TBC1D30: variants seen among roughly 807,000 people sequenced by gnomAD.
TBC1D30 encodes TBC1 domain family member 30.
A neutral mutation model predicts 63.2 loss-of-function variants in TBC1D30; 31 were observed. That is an observed-to-expected ratio of 0.49 (90% CI 0.37 to 0.66). The LOEUF is 0.66. TBC1D30 is among the 30% of genes least tolerant of loss of function. The probability of loss-of-function intolerance (pLI) is 0.00; values close to 1 mark genes in which losing one functional copy is unlikely to be tolerated. For synonymous variants in TBC1D30, 307 were observed against 361.5 expected, an observed-to-expected ratio of 0.85 and a Z score of 1.71; for missense variants, 810 against 953.6, an observed-to-expected ratio of 0.85 and a Z score of 1.98.
rs78578907 is a variant in TBC1D30, at chr12:64,774,179, G to C, written c.-375-11702G>C. Reference sequence around the variant, plus strand: ...AGTATTAATAGCATAATCAAGCAGAGAAAAGAATCTCAGAGCTTGAAGAAT... The same window carrying C: ...AGTATTAATAGCATAATCAAGCAGACAAAAGAATCTCAGAGCTTGAAGAAT... On this transcript the variant is annotated intron_variant, in intron 1 of 13. Transcript: ENST00000674237. Among the ~76,000 whole-genome samples, 559 of 152,242 alleles carry C rather than the reference G, an allele frequency of 3.7e-3. 3 individuals carry two copies. The highest frequency in any genetic ancestry group is 0.013 in the African/African-American group (543 of 41,534).
chr12:64,805,017 A>G (rs1186816548), intron 2 of TBC1D30, among the ~76,000 whole-genome samples: 2 of 152,090 alleles, frequency 1.3e-5, no homozygotes, highest in East Asian at 1.9e-4. Flanking sequence ...CCTGGCCAAC[A>G]TGGTAAATCC....
upstream of TBC1D30, among the ~76,000 whole-genome samples, chr12:64,824,047 G>A (rs1874064277): frequency 7.2e-6 from 1 of 138,854 alleles, no homozygotes; most frequent in Non-Finnish European, 1.5e-5. Context: ...ATAGTCTATT[G>A]GTGAATATTG....
chr12:64,765,811 C>T (rs1315718589), intron 1 of TBC1D30, among the ~76,000 whole-genome samples: 1 of 132,690 alleles, frequency 7.5e-6, no homozygotes, highest in Non-Finnish European at 1.5e-5. Flanking sequence ...GCCTGGGCGA[C>T]TTGACAAAAC....
rs149773982 is a variant in TBC1D30, at chr12:64,785,507, A to G, written c.479-374A>G. 8.4e-3 allele frequency among the ~76,000 whole-genome samples: 1,276 copies of G among 152,224 alleles called. 42 individuals carry two copies. The highest frequency in any genetic ancestry group is 0.061 in the Admixed American group (933 of 15,288). On this transcript the variant is annotated intron_variant, in intron 1 of 12. Transcript: ENST00000542120. ...AGGTTTATTATTAATGTAACAGACTAAAAAAGATTCTTTTCTAGCAAGCTT... is the reference window on the plus strand; with the variant it reads ...AGGTTTATTATTAATGTAACAGACTGAAAAAGATTCTTTTCTAGCAAGCTT...
intron 8 of TBC1D30, among the ~76,000 whole-genome samples, chr12:64,852,179 T>A (rs1876934109): frequency 1.3e-5 from 2 of 152,298 alleles, no homozygotes; most frequent in South Asian, 4.1e-4. Flanking sequence ...TTGGTCTTTT[T>A]ACATAGTCCC....
At chr12:64,796,812 A>G (rs1872302145) in intron 2 of TBC1D30, among the ~76,000 whole-genome samples, 1 of 152,180 alleles carries the variant, frequency 6.6e-6, no homozygotes, top group Non-Finnish European at 1.5e-5. Flanking sequence ...ATATATCAAG[A>G]TTAAGACCTC....
chr12:64,861,193 A>C (rs1877757026), intron 8 of TBC1D30, among the ~76,000 whole-genome samples: 1 of 152,248 alleles, frequency 6.6e-6, no homozygotes, highest in Non-Finnish European at 1.5e-5. Context: ...AATTTTGTGC[A>C]ACTCATGTTT....
intron 8 of TBC1D30, among the ~76,000 whole-genome samples, chr12:64,856,150 AAG>A (rs1047800325): frequency 1.3e-5 from 2 of 151,440 alleles, no homozygotes; most frequent in Admixed American, 6.6e-5. Flanking sequence ...GAGCAGGAGG[AAG>A]AGAGAGTTAG....
At position 64,829,525 on chromosome 12, in the gene TBC1D30, G is replaced by A. The variant is rs1167489102; in HGVS notation, c.283-852G>A. ...GTGTCTGTACGTGTAGGTAGGGTAG[G>A]TGGTGGAATAAGTGATTGGTTTTGG... On this transcript the variant is annotated intron_variant, in intron 3 of 11. Coordinates refer to ENST00000539867, the MANE Select transcript of TBC1D30 (RefSeq NM_015279.2). Among the ~76,000 whole-genome samples, 6 of 152,238 alleles carry A rather than the reference G, an allele frequency of 3.9e-5. No individual in the cohort carries two copies. In the East Asian group the frequency reaches 1.2e-3, roughly 29 times the overall value.
chr12:64,841,555 G>A (rs1299670092), intron 7 of TBC1D30, among the ~76,000 whole-genome samples: 1 of 152,140 alleles, frequency 6.6e-6, no homozygotes. Context: ...GGCTCAGCTG[G>A]CAGGTGAGGC....
upstream of TBC1D30, among the ~76,000 whole-genome samples, chr12:64,820,757 A>C (rs1329928779): frequency 6.6e-6 from 1 of 152,232 alleles, no homozygotes; most frequent in Non-Finnish European, 1.5e-5. Context: ...TCCAGACATG[A>C]AATAAAAAAC....
upstream of TBC1D30, among the ~76,000 whole-genome samples, chr12:64,823,165 C>T (rs767569028): frequency 4.6e-5 from 7 of 151,964 alleles, no homozygotes; most frequent in Non-Finnish European, 8.8e-5. Context: ...CATCTTGGCT[C>T]CATTTGATGT....
At chr12:64,829,023 G>A (rs940224919) in intron 3 of TBC1D30, among the ~76,000 whole-genome samples, 4 of 151,986 alleles carry the variant, frequency 2.6e-5, no homozygotes, top group African/African-American at 9.7e-5. Flanking sequence ...GATGGGGTGG[G>A]GCGGGGCTGG....
intron 8 of TBC1D30, among the ~76,000 whole-genome samples, chr12:64,845,826 A>G (rs1876327990): frequency 6.6e-6 from 1 of 151,884 alleles, no homozygotes; most frequent in Non-Finnish European, 1.5e-5. Context: ...TGCCAGGCTA[A>G]TTTTTGTATT....
At position 64,875,588 on chromosome 12, in the gene TBC1D30, A is replaced by G. The variant is rs1475371466; in HGVS notation, c.2086A>G (p.Ser696Gly). The G allele has an allele frequency of 7.2e-6, 11 of 1,536,102 alleles. No individual in the cohort carries two copies. Among genetic ancestry groups the G allele is most frequent in the Non-Finnish European group, 9.6e-6 (11 of 1,146,920 alleles). The part of the protein sequence containing the change: ...PSAPEENKAT[S>G]KAPQGSNSKT... ...TGCACCCGAAGAAAACAAAGCCACC[A>G]GCAAAGCTCCCCAAGGCAGCAACTC... is the stretch of plus-strand genomic sequence containing the variant. The change falls in exon 12 of 12, where the codon AGC becomes GGC. Residue 696 changes from serine (S) to glycine (G), a missense_variant. By Grantham distance (56) the Ser-to-Gly change is moderately conservative (BLOSUM62 0). Transcript: ENST00000539867.
At chr12:64,775,106 T>C (rs946879436) in intron 1 of TBC1D30, among the ~76,000 whole-genome samples, 58 of 144,328 alleles carry the variant, frequency 4.0e-4, no homozygotes, top group African/African-American at 1.5e-3. Context: ...AAAAAAAAAA[T>C]ATATATATAT....
intron 8 of TBC1D30, among the ~76,000 whole-genome samples, chr12:64,858,466 T>A (rs1877497213): frequency 6.6e-6 from 1 of 152,110 alleles, no homozygotes; most frequent in Admixed American, 6.5e-5. Flanking sequence ...TTATTCAGGG[T>A]CTTTAGTCAG....
At chr12:64,842,088 T>A (rs561647763) in intron 7 of TBC1D30, among the ~76,000 whole-genome samples, 97 of 152,296 alleles carry the variant, frequency 6.4e-4, no homozygotes, top group South Asian at 4.4e-3. Context: ...CTGGGTGCCA[T>A]GGCTCATGCC....
intron 1 of TBC1D30, among the ~76,000 whole-genome samples, chr12:64,771,713 A>T (rs1490696996): frequency 6.6e-6 from 1 of 152,198 alleles, no homozygotes; most frequent in Non-Finnish European, 1.5e-5. Context: ...AGCTGCAATC[A>T]CTCAGCATTG....
Sources: allele counts gnomAD v4.1 joint callset (sites outside exome capture counted in the v4.1 genomes callset), GRCh38; gene constraint gnomAD v4.1.1; transcripts MANE v1.5; gene names NCBI Gene and HGNC (gene_info 2026-07-23, HGNC 2026-07-21).